BARHL2: variants seen among roughly 807,000 people sequenced by gnomAD.
BARHL2 encodes the protein BarH like homeobox 2, also known as barH-like 2 homeobox protein.
A neutral mutation model predicts 27.1 loss-of-function variants in BARHL2; 10 were observed. The observed-to-expected ratio is 0.37, with a 90% CI of 0.23 to 0.63. The LOEUF (loss-of-function observed/expected upper bound fraction) is 0.63. Ranked by LOEUF, BARHL2 falls within the 20% of genes least tolerant of loss-of-function variation. The probability of loss-of-function intolerance (pLI) is 0.65; values close to 1 mark genes in which losing one functional copy is unlikely to be tolerated. For synonymous variants in BARHL2, 248 were observed against 224.7 expected, an observed-to-expected ratio of 1.10 and a Z score of -0.93; for missense variants, 483 against 533.5, an observed-to-expected ratio of 0.91 and a Z score of 0.93.
intron 1 of BARHL2, 84 bp from the exon 2 acceptor site, chr1:90,714,840 C>T: frequency 7.6e-7 from 1 of 1,313,628 alleles, no homozygotes; most frequent in South Asian, 1.2e-5. Context: ...CTTCCACATT[C>T]CCAAGCCAAC....
Position 90,716,923 on chromosome 1 carries a change from G to C in BARHL2, c.273C>G (p.Ser91Arg). ...CCGCGGCCGGCGGCGGCGGCTGCTG[G>C]CTGTGGTGGAGGTGGTGATGATGCT... ...ATQHHHHLHHSQQPPPPAAAP... is the reference protein window; with the variant it reads ...ATQHHHHLHHRQQPPPPAAAP... Residue 91 changes from serine (S) to arginine (R), a missense_variant, in exon 1 of 3, where the codon AGC becomes AGG. By Grantham distance (110) the Ser-to-Arg change is moderately radical. Around this residue, in one of 3 missense-constraint regions of BARHL2, gnomAD observed 304 missense variants for 284.9 expected, o/e 1.07. Coordinates refer to ENST00000370445, the MANE Select transcript of BARHL2 (RefSeq NM_020063.2). The C allele has an allele frequency of 6.2e-7, 1 of 1,609,036 alleles. No individual in the cohort carries two copies. Among genetic ancestry groups the C allele is most frequent in the Non-Finnish European group, 8.5e-7 (1 of 1,178,626 alleles).
chr1:90,716,709 T>C lies in BARHL2; in HGVS notation c.487A>G (p.Ser163Gly). 3.1e-6 allele frequency: 5 copies of C among 1,610,766 alleles called. No individual in the cohort carries two copies. The highest frequency in any genetic ancestry group is 4.2e-6 in the Non-Finnish European group (5 of 1,178,400). Residue 163 changes from serine (S) to glycine (G), a missense_variant, in exon 1 of 3, where the codon AGC (serine) becomes GGC (glycine). Transcript: ENST00000370445. ...GGGGTGTGGTGGGGAGAGGATACGC[T>C]GGTGCTGTAGGGTGCACATGCCGCC... Reference protein sequence around the residue: ...PLAACAPYSTSVSSPHHTPKQ... With the variant: ...PLAACAPYSTGVSSPHHTPKQ...
intron 1 of BARHL2, among the ~76,000 whole-genome samples, chr1:90,715,170 C>CTTTTTT (rs35625130): frequency 1.4e-4 from 9 of 66,318 alleles, no homozygotes; most frequent in East Asian, 4.7e-4. Flanking sequence ...TCCCTCTACT[C>CTTTTTT]TTTTTTTTTT....
At position 90,717,140 on chromosome 1, in the gene BARHL2, C is replaced by G; in HGVS notation, c.56G>C (p.Ser19Thr). 6.2e-7 allele frequency: 1 copy of G among 1,613,902 alleles called. No homozygotes were observed. Among genetic ancestry groups the G allele is most frequent in the South Asian group, 1.1e-5 (1 of 91,012 alleles). The change falls in exon 1 of 3, where the codon AGT (serine) becomes ACT (threonine). Residue 19 changes from serine to threonine, a missense_variant. Physicochemically the swap from Ser to Thr is moderately conservative, Grantham distance 58. Around this residue, in one of 3 missense-constraint regions of BARHL2, gnomAD observed 304 missense variants for 284.9 expected, o/e 1.07. Coordinates refer to ENST00000370445, the MANE Select transcript of BARHL2 (RefSeq NM_020063.2). Reference protein sequence around the residue: ...SSFGIDTILSSASSGSPGMMN... With the variant: ...SSFGIDTILSTASSGSPGMMN... Reference sequence around the variant, plus strand: ...CATGCCTGGGCTGCCTGAACTGGCACTGGACAAAATCGTGTCTATTCCAAA... The same window carrying G: ...CATGCCTGGGCTGCCTGAACTGGCAGTGGACAAAATCGTGTCTATTCCAAA...
rs1422677109 is a variant in BARHL2, at chr1:90,712,578, C to T, written c.898G>A (p.Glu300Lys). 1 of 1,613,246 alleles carries T rather than the reference C, an allele frequency of 6.2e-7. No homozygotes were observed. The highest frequency in any genetic ancestry group is 1.3e-5 in the African/African-American group (1 of 74,996). The change falls in exon 3 of 3, where the codon GAG (glutamate) becomes AAG (lysine). Residue 300 changes from glutamate to lysine, a missense_variant. Around this residue, in one of 3 missense-constraint regions of BARHL2, gnomAD observed 130 missense variants for 138.0 expected, o/e 0.94. Transcript: ENST00000370445. ...TGCAGCGCCGAGTAGTTCCCTGCCT[C>T]GGCCAGCAACTCCAGGCCCACCGCT... ...QTAVGLELLA[E>K]AGNYSALQRM...
Position 90,716,600 on chromosome 1 carries a change from T to C in BARHL2, c.596A>G (p.Glu199Gly), listed in dbSNP as rs1214734514. The C allele has an allele frequency of 1.9e-6, 3 of 1,614,066 alleles. No homozygotes were observed. Among genetic ancestry groups the C allele is most frequent in the African/African-American group, 2.7e-5 (2 of 74,940 alleles). Reference sequence around the variant, plus strand: ...GCATTTGATGTCGCTCTGGGAATCCTCCCGCTTGTCGAGTTTGGTCTTGCT... The same window carrying C: ...GCATTTGATGTCGCTCTGGGAATCCCCCCGCTTGTCGAGTTTGGTCTTGCT... ...EDSKTKLDKREDSQSDIKCHG... is the reference protein window; with the variant it reads ...EDSKTKLDKRGDSQSDIKCHG... Residue 199 changes from glutamate to glycine, a missense_variant, in exon 1 of 3, where the codon GAG becomes GGG. Physicochemically the swap from Glu to Gly is moderately conservative, Grantham distance 98. Transcript: ENST00000370445.
intron 1 of BARHL2, 131 bp from the exon 2 acceptor site, chr1:90,714,887 A>AAC: frequency 5.3e-6 from 4 of 749,182 alleles, no homozygotes; most frequent in Non-Finnish European, 9.4e-6. Flanking sequence ...CCACCCCTAG[A>AAC]ACACACACAC....
At chr1:90,715,854 CAA>C (rs142421775) in intron 1 of BARHL2, among the ~76,000 whole-genome samples, 29,692 of 150,966 alleles carry the variant, frequency 0.2, 3,422 homozygotes, top group Non-Finnish European at 0.24. Flanking sequence ...TTTTTTTTAA[CAA>C]AAAAGAGATT....
rs1658037578 is a variant in BARHL2, at chr1:90,711,816, C to T, written c.*496G>A. 6.6e-6 allele frequency: 1 copy of T among 151,854 alleles called. No individual in the cohort carries two copies. The highest frequency in any genetic ancestry group is 2.4e-5 in the African/African-American group (1 of 41,240). The allele number at this position is 151,854 out of a possible 1,614,324, so 9.4% of individuals were successfully genotyped here. Reference sequence around the variant, plus strand: ...AAATCAGTGCAAAGTTCTCAGTTACCCTCCTCTTTTCTCTGGGGCAGACGG... The same window carrying T: ...AAATCAGTGCAAAGTTCTCAGTTACTCTCCTCTTTTCTCTGGGGCAGACGG... On this transcript the variant is annotated 3_prime_UTR_variant, in exon 3 of 3. Transcript: ENST00000370445.
rs200060831 is a variant in BARHL2, at chr1:90,717,219, C to T, written c.-24G>A. On this transcript the variant is annotated 5_prime_UTR_variant, in exon 1 of 3. Coordinates refer to ENST00000370445, the MANE Select transcript of BARHL2 (RefSeq NM_020063.2). Reference sequence around the variant, plus strand: ...ATTGCTACATGAGGTCCACGCCACTCCGCCGTTCAGCAGCCGCCCCGAACC... The same window carrying T: ...ATTGCTACATGAGGTCCACGCCACTTCGCCGTTCAGCAGCCGCCCCGAACC... The T allele has an allele frequency of 3.8e-6, 6 of 1,597,102 alleles. No individual in the cohort carries two copies. The African/African-American group carries it at 8.2e-5, about 22-fold the overall frequency.
rs1460173425 is a variant in BARHL2, at chr1:90,717,207, G to A, written c.-12C>T. 32 of 1,606,824 alleles carry A rather than the reference G, an allele frequency of 2.0e-5. No homozygotes were observed. Among genetic ancestry groups the A allele is most frequent in the African/African-American group, 2.7e-5 (2 of 74,226 alleles). On this transcript the variant is annotated 5_prime_UTR_variant, in exon 1 of 3. Coordinates refer to ENST00000370445, the MANE Select transcript of BARHL2 (RefSeq NM_020063.2). ...CCTTCCATTGTCATTGCTACATGAGGTCCACGCCACTCCGCCGTTCAGCAG... is the reference window on the plus strand; with the variant it reads ...CCTTCCATTGTCATTGCTACATGAGATCCACGCCACTCCGCCGTTCAGCAG...
Position 90,711,885 on chromosome 1 carries a change from CAT to C in BARHL2, c.*425_*426del, listed in dbSNP as rs1347354400. 1 of 154,768 alleles carries C rather than the reference CAT, an allele frequency of 6.5e-6. No individual in the cohort carries two copies. The highest frequency in any genetic ancestry group is 1.4e-5 in the Non-Finnish European group (1 of 69,956). The allele number at this position is 154,768 out of a possible 1,614,324, so 9.6% of individuals were successfully genotyped here. A position where few individuals can be genotyped will look rare whatever the true frequency, so the allele number is the denominator to read the frequency against. On this transcript the variant is annotated 3_prime_UTR_variant, in exon 3 of 3. Coordinates refer to ENST00000370445, the MANE Select transcript of BARHL2 (RefSeq NM_020063.2). ...CTTTGCCTCAGCACTTGAGGCTGTC[CAT>C]ATATAGTTCACTCTGCCTGTGCTGT...
chr1:90,716,774 G>C lies in BARHL2; in HGVS notation c.422C>G (p.Ser141Cys). The part of the protein sequence containing the change: ...AASAPRTSTS[S>C]FLIKDILGDS... The stretch of plus-strand genomic sequence containing the variant: ...GCCCAAGATGTCCTTAATTAAAAAA[G>C]AAGACGTGGAAGTCCTGGGGGCCGA... The change falls in exon 1 of 3, where the codon TCT becomes TGT. Residue 141 changes from serine (S) to cysteine (C), a missense_variant. Around this residue, in one of 3 missense-constraint regions of BARHL2, gnomAD observed 304 missense variants for 284.9 expected, o/e 1.07. Transcript: ENST00000370445. 6.4e-7 allele frequency: 1 copy of C among 1,560,258 alleles called. No homozygotes were observed.
At position 90,712,481 on chromosome 1, in the gene BARHL2, G is replaced by A. The variant is rs377759812; in HGVS notation, c.995C>T (p.Ala332Val). The A allele has an allele frequency of 2.1e-4, 336 of 1,611,220 alleles. No homozygotes were observed. Among genetic ancestry groups the A allele is most frequent in the Non-Finnish European group, 2.4e-4 (287 of 1,179,438 alleles). Residue 332 changes from alanine (A) to valine (V), a missense_variant, in exon 3 of 3, where the codon GCG becomes GTG. Ala to Val is a moderately conservative substitution (Grantham distance 64, BLOSUM62 0). Around this residue, in one of 3 missense-constraint regions of BARHL2, gnomAD observed 130 missense variants for 138.0 expected, o/e 0.94. Transcript: ENST00000370445. ...LGSMDSTTAAAAAAAMYSSMY... is the reference protein window; with the variant it reads ...LGSMDSTTAAVAAAAMYSSMY... ...GCTGCTGTACATGGCAGCGGCAGCC[G>A]CCGCCGCCGTAGTGCTGTCCATGCT...
intron 1 of BARHL2, among the ~76,000 whole-genome samples, chr1:90,715,841 A>ATT (rs534431663): frequency 7.0e-5 from 10 of 143,812 alleles, no homozygotes; most frequent in African/African-American, 2.5e-4. Flanking sequence ...TTGTCATCTT[A>ATT]TTTTTTTTTT....
At position 90,711,697 on chromosome 1, in the gene BARHL2, AATATG is replaced by A. The variant is rs1451914650; in HGVS notation, c.*610_*614del. Reference sequence around the variant, plus strand: ...GACTCTTTTTGGACAACATATAATAAATATGATATATCACTTATCACTCAGTCTTT... The same window carrying A: ...GACTCTTTTTGGACAACATATAATAAATATATCACTTATCACTCAGTCTTT... On this transcript the variant is annotated 3_prime_UTR_variant, in exon 3 of 3. Coordinates refer to ENST00000370445, the MANE Select transcript of BARHL2 (RefSeq NM_020063.2). 25 of 152,348 alleles carry A rather than the reference AATATG, an allele frequency of 1.6e-4. No individual in the cohort carries two copies. The highest frequency in any genetic ancestry group is 3.4e-3 in the Middle Eastern group (1 of 294). 9.4% of individuals were successfully genotyped at this position (152,348 alleles called of 1,614,324 possible). A position where few individuals can be genotyped will look rare whatever the true frequency, so the allele number is the denominator to read the frequency against.
chr1:90,712,007 T>G lies in BARHL2; in HGVS notation c.*305A>C. 1 of 210,404 alleles carries G rather than the reference T, an allele frequency of 4.8e-6. No individual in the cohort carries two copies. The allele number at this position is 210,404 out of a possible 1,614,324, so 13.0% of individuals were successfully genotyped here. ...GTCATTTTTGAAAAAGAATTTGAGG[T>G]TTTGTTTTTGTTGATGTTTTCACTT... On this transcript the variant is annotated 3_prime_UTR_variant, in exon 3 of 3. Transcript: ENST00000370445.
Position 90,714,632 on chromosome 1 carries a change from G to A in BARHL2, c.750C>T (p.Ser250=). The A allele has an allele frequency of 6.2e-7, 1 of 1,614,232 alleles. No individual in the cohort carries two copies. The highest frequency in any genetic ancestry group is 8.5e-7 in the Non-Finnish European group (1 of 1,180,032). ...SDHQLNQLER[S]FERQKYLSVQ... ...CGCTCAGGTACTTCTGCCGCTCAAA[G>A]CTACGCTCCAGTTGATTGAGCTGGT... The change falls in exon 2 of 3, where the codon AGC becomes AGT. Residue 250 remains serine, a synonymous_variant. Coordinates refer to ENST00000370445, the MANE Select transcript of BARHL2 (RefSeq NM_020063.2).
In BARHL2 at chr1:90,714,452, C is replaced by T. The variant is rs1570607414; in HGVS notation, c.851+79G>A. On this transcript the variant is annotated intron_variant, in intron 2 of 2. Coordinates refer to ENST00000370445, the MANE Select transcript of BARHL2 (RefSeq NM_020063.2). Reference sequence around the variant, plus strand: ...TCTCAGTCCTTAGAGTCTCTGGAGGCCAGGAGGGAAGAAGATTGGTATAAT... The same window carrying T: ...TCTCAGTCCTTAGAGTCTCTGGAGGTCAGGAGGGAAGAAGATTGGTATAAT... 2.2e-6 allele frequency: 3 copies of T among 1,382,086 alleles called. No individual in the cohort carries two copies. The East Asian group carries it at 6.9e-5, about 32-fold the overall frequency. The allele number at this position is 1,382,086 out of a possible 1,614,324, so 85.6% of individuals were successfully genotyped here.
Sources: gnomAD v4.1 joint callset for allele counts (sites outside exome capture counted in the v4.1 genomes callset) on GRCh38, gnomAD v4.1.1 for gene constraint, gnomAD v4.1.1 regional missense constraint, MANE v1.5 for transcripts, NCBI Gene and HGNC (gene_info 2026-07-23, HGNC 2026-07-21) for gene names.